DDX60: variants seen among roughly 807,000 people sequenced by gnomAD.
DDX60 encodes DExD/H-box helicase 60.
In DDX60, 165 loss-of-function variants were observed where a neutral mutation model predicts 212.8. The ratio of observed to expected loss-of-function variants is 0.78; its 90% confidence interval spans 0.68 to 0.88. The LOEUF is 0.88. Among genes scored for constraint, DDX60 ranks in the 40% least tolerant of loss-of-function variants. The pLI is 0.00. For missense variants in DDX60, 1,905 were observed against 2,003.9 expected (o/e 0.95, Z 0.94); for synonymous variants, 703 against 685.3 (o/e 1.03, Z -0.40).
chr4:168,232,806 G>C (rs1330172910), intron 33 of DDX60, among the ~76,000 whole-genome samples: 1 of 151,824 alleles, frequency 6.6e-6, no homozygotes, highest in African/African-American at 2.4e-5. Context: ...TTAGACAAAG[G>C]CTTCACGACC....
intron 22 of DDX60, chr4:168,265,521 G>C (rs1374595865): frequency 6.6e-6 from 1 of 152,090 alleles, no homozygotes; most frequent in African/African-American, 2.4e-5. Flanking sequence ...ATCTTAAGAA[G>C]ACTCATACAA....
At chr4:168,299,493 A>G (rs754528559) in intron 6 of DDX60, among the ~76,000 whole-genome samples, 8 of 152,062 alleles carry the variant, frequency 5.3e-5, no homozygotes, top group Non-Finnish European at 1.0e-4. Flanking sequence ...AAAAATCAAC[A>G]GATCTCATTA....
intron 22 of DDX60, among the ~76,000 whole-genome samples, chr4:168,267,290 A>C (rs896093279): frequency 6.6e-6 from 1 of 152,228 alleles, no homozygotes; most frequent in African/African-American, 2.4e-5. Flanking sequence ...ATGGGAGCTG[A>C]GAGGAAGAAA....
intron 30 of DDX60, 93 bp downstream of exon 30, chr4:168,246,325 G>T: frequency 1.4e-6 from 2 of 1,419,160 alleles, no homozygotes; most frequent in Non-Finnish European, 9.8e-7. Flanking sequence ...GAAACTCAAG[G>T]GTGATTGCTA....
rs538397058 is a variant in DDX60 at position 168,244,485 on chromosome 4, G to C, written c.4164+1933C>G. Among the ~76,000 whole-genome samples the C allele has an allele frequency of 9.2e-5, 14 of 152,312 alleles. No individual in the cohort carries two copies. The South Asian group carries it at 2.9e-3, about 32-fold the overall frequency. On this transcript the variant is annotated intron_variant, in intron 30 of 37. Transcript: ENST00000393743. ...CTCACGCCTGTAATCCCAGTACTTT[G>C]GGAGGCTAAGGTGGGTGGATCACAA...
intron 16 of DDX60, 136 bp from the exon 17 acceptor site, chr4:168,274,219 T>C: frequency 4.7e-6 from 5 of 1,074,086 alleles, no homozygotes; most frequent in Non-Finnish European, 6.6e-6. Context: ...TCTCATGTCA[T>C]TCTCTCAGAA....
intron 10 of DDX60, among the ~76,000 whole-genome samples, chr4:168,286,433 GAT>G (rs1560859720): frequency 1.5e-3 from 143 of 96,566 alleles, no homozygotes; most frequent in African/African-American, 6.8e-3. Context: ...GAGATAGATA[GAT>G]AGATAGATAG....
In DDX60 at chr4:168,216,929, G is replaced by GT; in HGVS notation, c.*3dup. 1.3e-6 allele frequency: 2 copies of GT among 1,582,416 alleles called. No individual in the cohort carries two copies. Among genetic ancestry groups the GT allele is most frequent in the Non-Finnish European group, 1.7e-6 (2 of 1,163,946 alleles). On this transcript the variant is annotated 3_prime_UTR_variant, in exon 38 of 38. Coordinates refer to ENST00000393743, the MANE Select transcript of DDX60 (RefSeq NM_017631.6). ...TTTTTAAGTGGTTTGCATAGACTTT[G>GT]TTTTTAGACTTTGTTTAACTTTTCC...
At chr4:168,294,053 T>C in intron 6 of DDX60, 108 bp from the exon 7 acceptor site, 1 of 992,026 alleles carries the variant, frequency 1.0e-6, no homozygotes, top group Non-Finnish European at 1.4e-6. Context: ...TGTGACAAAA[T>C]AATCTGTACA....
chr4:168,295,299 A>G (rs1031472897), intron 6 of DDX60, among the ~76,000 whole-genome samples: 4 of 152,190 alleles, frequency 2.6e-5, no homozygotes, highest in African/African-American at 7.2e-5. Context: ...AGGACTTCGT[A>G]CTTCTATATT....
intron 5 of DDX60, among the ~76,000 whole-genome samples, chr4:168,305,153 A>G (rs1736821077): frequency 1.3e-5 from 2 of 152,262 alleles, no homozygotes; most frequent in Admixed American, 1.3e-4. Context: ...TAGCCTAGGA[A>G]CAGTAGGCTA....
intron 30 of DDX60, among the ~76,000 whole-genome samples, chr4:168,245,073 A>C (rs1378296020): frequency 6.6e-6 from 1 of 152,200 alleles, no homozygotes; most frequent in Non-Finnish European, 1.5e-5. Context: ...GTACACTTAA[A>C]ATGGTTAAGA....
intron 2 of DDX60, 31 bp from the exon 3 acceptor site, chr4:168,311,098 T>G: frequency 4.8e-6 from 7 of 1,460,528 alleles, no homozygotes; most frequent in Non-Finnish European, 5.7e-6. Flanking sequence ...AGAAAGAGAA[T>G]GGGTTATTTT....
chr4:168,277,805 T>A (rs1735411984), intron 14 of DDX60, among the ~76,000 whole-genome samples: 1 of 119,806 alleles, frequency 8.3e-6, no homozygotes, highest in South Asian at 2.6e-4. Flanking sequence ...CGAGACTCCA[T>A]CTCAAAAAAA....
At chr4:168,312,242 G>A (rs1463001060) in intron 1 of DDX60, among the ~76,000 whole-genome samples, 4 of 152,126 alleles carry the variant, frequency 2.6e-5, no homozygotes, top group Non-Finnish European at 5.9e-5. Context: ...ACAAGGCTAC[G>A]TGTCAGGAAA....
intron 19 of DDX60, among the ~76,000 whole-genome samples, chr4:168,270,875 C>CTTTTTTTTTTTTTTTTT (rs759054592): frequency 2.3e-4 from 26 of 110,860 alleles, no homozygotes; most frequent in Admixed American, 3.0e-4. Flanking sequence ...TTCTTTCTTT[C>CTTTTTTTTTTTTTTTTT]TTTTTTTTTT....
chr4:168,224,108 T>A, intron 35 of DDX60, 135 bp downstream of exon 35: 10 of 895,796 alleles, frequency 1.1e-5, no homozygotes, highest in Non-Finnish European at 1.7e-5. Flanking sequence ...AATTCCTGAA[T>A]ATATCTGTTG....
intron 37 of DDX60, among the ~76,000 whole-genome samples, chr4:168,217,757 A>T (rs1341653153): frequency 6.6e-6 from 1 of 152,088 alleles, no homozygotes; most frequent in Non-Finnish European, 1.5e-5. Flanking sequence ...GGCTTTGGAG[A>T]TGAAAGGGAG....
chr4:168,271,991 G>T, intron 19 of DDX60, 52 bp downstream of exon 19: 10 of 1,353,802 alleles, frequency 7.4e-6, no homozygotes, highest in Non-Finnish European at 1.0e-5. Flanking sequence ...TATCTTCATT[G>T]CTATGCAAGT....
Sources: allele counts gnomAD v4.1 joint callset (sites outside exome capture counted in the v4.1 genomes callset), GRCh38; gene constraint gnomAD v4.1.1; transcripts MANE v1.5; gene names NCBI Gene and HGNC (gene_info 2026-07-23, HGNC 2026-07-21).